Variants in NT5C2 observed in about 807,000 individuals in gnomAD.
NT5C2 encodes cytosolic purine 5'-nucleotidase.
NT5C2 carries 58 observed loss-of-function variants against 76.1 expected under a neutral mutation model. The ratio of observed to expected loss-of-function variants is 0.76; its 90% confidence interval spans 0.62 to 0.95. The LOEUF is 0.95. Among genes scored for constraint, NT5C2 ranks in the 40% least tolerant of loss-of-function variants. NT5C2 has a pLI of 0.00. For synonymous variants in NT5C2, 229 were observed against 237.4 expected (o/e 0.96, Z 0.32); for missense variants, 478 against 690.3 (o/e 0.69, Z 3.45).
intron 2 of NT5C2, among the ~76,000 whole-genome samples, chr10:103,180,353 C>T (rs2090837971): frequency 6.6e-6 from 1 of 152,170 alleles, no homozygotes; most frequent in Non-Finnish European, 1.5e-5. Flanking sequence ...TTCTTTAAAA[C>T]TTAAACATAT....
intron 3 of NT5C2, among the ~76,000 whole-genome samples, chr10:103,158,473 A>G (rs2083952961): frequency 6.6e-6 from 1 of 152,110 alleles, no homozygotes; most frequent in African/African-American, 2.4e-5. Context: ...CAAAATTGAC[A>G]TTTAGCTAGA....
chr10:103,188,585 T>C (rs1381438554), intron 1 of NT5C2, among the ~76,000 whole-genome samples: 2 of 152,206 alleles, frequency 1.3e-5, no homozygotes, highest in Non-Finnish European at 2.9e-5. Flanking sequence ...CGTGGAAGAC[T>C]CTCAAGTTCC....
chr10:103,159,251 GCACACA>G (rs57117670), intron 3 of NT5C2, among the ~76,000 whole-genome samples: 9,326 of 133,202 alleles, frequency 0.07, 284 homozygotes, highest in South Asian at 0.086. Flanking sequence ...TCCAAAACAT[GCACACA>G]CACACACACA....
At chr10:103,130,327 G>T (rs2077891545) in intron 4 of NT5C2, among the ~76,000 whole-genome samples, 1 of 151,860 alleles carries the variant, frequency 6.6e-6, no homozygotes, top group African/African-American at 2.4e-5. Flanking sequence ...GGTGCAAGAT[G>T]TGCTTTGTTA....
chr10:103,179,371 C>T (rs937256641), intron 2 of NT5C2, among the ~76,000 whole-genome samples: 6 of 152,126 alleles, frequency 3.9e-5, no homozygotes, highest in Admixed American at 6.6e-5. Flanking sequence ...AGTAACAATA[C>T]TGTAGGTAGG....
At chr10:103,093,023 C>T in intron 15 of NT5C2, 116 bp downstream of exon 15, 1 of 736,070 alleles carries the variant, frequency 1.4e-6, no homozygotes, top group Non-Finnish European at 2.1e-6. Context: ...AATATCAAGG[C>T]CTGCCTTTTG....
At chr10:103,094,069 T>C in intron 13 of NT5C2, 31 bp from the exon 14 acceptor site, 2 of 1,567,670 alleles carry the variant, frequency 1.3e-6, no homozygotes, top group Non-Finnish European at 8.8e-7. Context: ...TTGTAATACT[T>C]TATCATCCTA....
intron 1 of NT5C2, among the ~76,000 whole-genome samples, chr10:103,191,305 C>G (rs2092619296): frequency 6.6e-6 from 1 of 151,704 alleles, no homozygotes; most frequent in Non-Finnish European, 1.5e-5. Context: ...CTGCTTGAAC[C>G]CGGGAGGTGG....
intron 1 of NT5C2, among the ~76,000 whole-genome samples, chr10:103,186,135 G>A (rs1412038142): frequency 2.6e-5 from 4 of 152,158 alleles, no homozygotes; most frequent in Non-Finnish European, 5.9e-5. Flanking sequence ...TAAGAGTACG[G>A]ATTCTGGAGC....
intron 4 of NT5C2, among the ~76,000 whole-genome samples, chr10:103,133,922 C>T (rs2078709795): frequency 6.6e-6 from 1 of 152,310 alleles, no homozygotes; most frequent in Non-Finnish European, 1.5e-5. Context: ...AGCAAAGAGA[C>T]TGGTGGCATT....
intron 3 of NT5C2, among the ~76,000 whole-genome samples, chr10:103,161,733 A>T (rs561477654): frequency 9.2e-5 from 14 of 152,282 alleles, no homozygotes; most frequent in South Asian, 4.1e-4. Context: ...CTTAAAAAAA[A>T]AATAATGAAA....
intron 4 of NT5C2, among the ~76,000 whole-genome samples, chr10:103,130,159 T>A (rs2077836781): frequency 6.6e-6 from 1 of 151,768 alleles, no homozygotes; most frequent in South Asian, 2.1e-4. Flanking sequence ...GGTTACCGTG[T>A]CTGTGTAGAA....
intron 4 of NT5C2, among the ~76,000 whole-genome samples, chr10:103,115,793 G>A (rs1182588414): frequency 6.6e-6 from 1 of 151,962 alleles, no homozygotes; most frequent in African/African-American, 2.4e-5. Flanking sequence ...TGTCTAAGAA[G>A]TAAATAATAT....
intron 11 of NT5C2, 121 bp from the exon 12 acceptor site, chr10:103,096,101 G>A: frequency 3.0e-6 from 2 of 657,322 alleles, no homozygotes; most frequent in Non-Finnish European, 5.2e-6. Flanking sequence ...CCACATTCTT[G>A]TTTCCTCTAA....
chr10:103,106,529 T>G (rs2071318702), intron 5 of NT5C2, 60 bp downstream of exon 5: 1 of 996,158 alleles, frequency 1.0e-6, no homozygotes, highest in East Asian at 2.4e-5. Context: ...ATGTCTAATT[T>G]GAGGGGTAAG....
chr10:103,119,792 G>A (rs2075282499), intron 4 of NT5C2, among the ~76,000 whole-genome samples: 2 of 133,360 alleles, frequency 1.5e-5, no homozygotes, highest in East Asian at 2.5e-4. Flanking sequence ...CATTGTCATT[G>A]GTTTCATTAA....
At chr10:103,139,382 A>T (rs773963925) in intron 4 of NT5C2, 24 bp downstream of exon 4, 4 of 1,509,856 alleles carry the variant, frequency 2.6e-6, no homozygotes, top group Non-Finnish European at 3.6e-6. Flanking sequence ...AGCAGTTCTT[A>T]AGCAATCAGA....
rs537330331 is a variant in NT5C2, at chr10:103,094,786, G to A, written c.814-331C>T. Among the ~76,000 whole-genome samples the A allele has an allele frequency of 4.0e-5, 6 of 151,698 alleles. No homozygotes were observed. The East Asian group carries it at 1.2e-3, about 30-fold the overall frequency. On this transcript the variant is annotated intron_variant, in intron 12 of 18. Coordinates refer to ENST00000404739, the MANE Select transcript of NT5C2 (RefSeq NM_001351169.2). ...AGTCCCAGCTACTTGGGAGGCTGAG[G>A]CTCGAGAATCGCTTGAACCTAGGAG...
intron 16 of NT5C2, 115 bp from the exon 17 acceptor site, chr10:103,091,111 T>C (rs2066718235): frequency 4.8e-6 from 4 of 835,066 alleles, no homozygotes; most frequent in Non-Finnish European, 7.8e-6. Context: ...CGCGGCTCAC[T>C]GCAACCTCTG....
Sources: allele counts gnomAD v4.1 joint callset (sites outside exome capture counted in the v4.1 genomes callset), GRCh38; gene constraint gnomAD v4.1.1; transcripts MANE v1.5; gene names NCBI Gene and HGNC (gene_info 2026-07-23, HGNC 2026-07-21).